The following HS6ST3 variants were observed in gnomAD, a reference collection of about 807,000 sequenced individuals.
The protein encoded by HS6ST3 is heparan-sulfate 6-O-sulfotransferase 3.
Under a neutral mutation model 36.7 loss-of-function variants are expected in HS6ST3, and 12 were observed. The observed-to-expected ratio is 0.33, with a 90% CI of 0.21 to 0.53. The LOEUF is 0.53. Ranked by LOEUF, HS6ST3 falls within the 20% of genes least tolerant of loss-of-function variation. The pLI, the probability that HS6ST3 is intolerant of heterozygous loss-of-function variation, is 0.95. For synonymous variants in HS6ST3, 240 were observed against 257.5 expected, an observed-to-expected ratio of 0.93 and a Z score of 0.65; for missense variants, 584 against 640.9, an observed-to-expected ratio of 0.91 and a Z score of 0.96.
intron 1 of HS6ST3, among the ~76,000 whole-genome samples, chr13:96,755,412 T>C (rs1037754583): frequency 1.3e-5 from 2 of 152,140 alleles, no homozygotes; most frequent in African/African-American, 4.8e-5. Flanking sequence ...TCGCCCAGGC[T>C]GGAGTGCAAT....
intron 1 of HS6ST3, among the ~76,000 whole-genome samples, chr13:96,456,727 ATCT>A (rs561803606): frequency 4.6e-5 from 7 of 152,166 alleles, no homozygotes; most frequent in African/African-American, 1.4e-4. Flanking sequence ...TCTTGCTCTA[ATCT>A]TCTTTTTCCA....
chr13:96,111,118 A>G (rs1163643380), intron 1 of HS6ST3, among the ~76,000 whole-genome samples: 1 of 152,208 alleles, frequency 6.6e-6, no homozygotes, highest in Non-Finnish European at 1.5e-5. Flanking sequence ...ACTGTGCAGG[A>G]TCACTCCCAT....
chr13:96,126,290 C>T (rs111947230), intron 1 of HS6ST3, among the ~76,000 whole-genome samples: 26 of 152,156 alleles, frequency 1.7e-4, no homozygotes, highest in Non-Finnish European at 1.3e-4. Context: ...AACTGTGCTA[C>T]GCTTGGTCTC....
intron 1 of HS6ST3, among the ~76,000 whole-genome samples, chr13:96,304,673 G>A (rs984090477): frequency 1.0e-5 from 1 of 97,020 alleles, no homozygotes. Flanking sequence ...AATCACTGTT[G>A]CATGTTTTTC....
intron 1 of HS6ST3, among the ~76,000 whole-genome samples, chr13:96,590,244 T>A (rs948981920): frequency 2.6e-5 from 4 of 152,066 alleles, no homozygotes; most frequent in Non-Finnish European, 5.9e-5. Flanking sequence ...CTATTTTTAG[T>A]TTTTTGAGGA....
intron 1 of HS6ST3, among the ~76,000 whole-genome samples, chr13:96,133,632 A>T (rs1277703443): frequency 6.6e-6 from 1 of 151,898 alleles, no homozygotes; most frequent in Admixed American, 6.6e-5. Flanking sequence ...CATGTTGGCC[A>T]GGCTGGACTC....
In HS6ST3 at chr13:96,836,277, C is replaced by G. The variant is rs1365147474; in HGVS notation, c.*3079C>G. On this transcript the variant is annotated 3_prime_UTR_variant, in exon 2 of 2. Coordinates refer to ENST00000376705, the MANE Select transcript of HS6ST3 (RefSeq NM_153456.4). ...CTTTCCCTTCTCTTGGCAATGGAAG[C>G]TCCAGTACCCAGATTGGAGATTAGG... The G allele has an allele frequency of 6.6e-6, 1 of 152,212 alleles. No homozygotes were observed. The highest frequency in any genetic ancestry group is 1.5e-5 in the Non-Finnish European group (1 of 68,062). 9.4% of individuals were successfully genotyped at this position (152,212 alleles called of 1,614,324 possible). A position where few individuals can be genotyped will look rare whatever the true frequency, so the allele number is the denominator to read the frequency against.
At chr13:96,464,920 A>G (rs16951476) in intron 1 of HS6ST3, among the ~76,000 whole-genome samples, 31,163 of 149,588 alleles carry the variant, frequency 0.21, 3,521 homozygotes, top group African/African-American at 0.3. Flanking sequence ...TAGTAAGTGC[A>G]TTATCTACTA....
intron 1 of HS6ST3, among the ~76,000 whole-genome samples, chr13:96,435,338 G>A (rs968439074): frequency 1.3e-5 from 2 of 151,878 alleles, no homozygotes; most frequent in African/African-American, 4.8e-5. Flanking sequence ...CTCCTTTATG[G>A]AGTCTGTATG....
At chr13:96,785,409 C>T (rs1351872934) in intron 1 of HS6ST3, among the ~76,000 whole-genome samples, 1 of 152,180 alleles carries the variant, frequency 6.6e-6, no homozygotes, top group African/African-American at 2.4e-5. Flanking sequence ...CAAAATCACA[C>T]TTTAGAGTGC....
At chr13:96,441,798 GAGAATATAGCATAAAAAGACA>G (rs1473882875) in intron 1 of HS6ST3, among the ~76,000 whole-genome samples, 3 of 152,098 alleles carry the variant, frequency 2.0e-5, no homozygotes, top group African/African-American at 7.2e-5. Flanking sequence ...AGATAGCTGT[GAGAATATAGCATAAAAAGACA>G]AGAAAACAGA....
intron 1 of HS6ST3, among the ~76,000 whole-genome samples, chr13:96,242,051 C>T (rs1221637020): frequency 6.6e-6 from 1 of 151,924 alleles, no homozygotes; most frequent in African/African-American, 2.4e-5. Context: ...TCCCAAAGTG[C>T]TGAGATTACA....
At chr13:96,609,128 C>G (rs2056448951) in intron 1 of HS6ST3, among the ~76,000 whole-genome samples, 1 of 151,066 alleles carries the variant, frequency 6.6e-6, no homozygotes, top group African/African-American at 2.4e-5. Flanking sequence ...CGCCACCACG[C>G]CCAGCTAATT....
intron 1 of HS6ST3, among the ~76,000 whole-genome samples, chr13:96,311,526 G>A (rs2054940990): frequency 6.6e-6 from 1 of 152,162 alleles, no homozygotes; most frequent in Non-Finnish European, 1.5e-5. Context: ...ACTCCCGCCA[G>A]AGTAGTCGTC....
intron 1 of HS6ST3, among the ~76,000 whole-genome samples, chr13:96,485,868 C>T (rs1342461181): frequency 6.6e-6 from 1 of 151,884 alleles, no homozygotes; most frequent in African/African-American, 2.4e-5. Context: ...ATATCAATTT[C>T]TTTTTTTTAT....
intron 1 of HS6ST3, among the ~76,000 whole-genome samples, chr13:96,193,496 G>A (rs887682246): frequency 3.3e-5 from 5 of 152,140 alleles, no homozygotes; most frequent in African/African-American, 4.8e-5. Context: ...GAAACATGCT[G>A]GGGGAGGCTA....
At chr13:96,365,386 A>G (rs2055258163) in intron 1 of HS6ST3, among the ~76,000 whole-genome samples, 1 of 152,194 alleles carries the variant, frequency 6.6e-6, no homozygotes, top group African/African-American at 2.4e-5. Context: ...CCAATTTTCT[A>G]TGCCAACCTG....
chr13:96,256,832 T>C (rs1193540596), intron 1 of HS6ST3, among the ~76,000 whole-genome samples: 1 of 152,152 alleles, frequency 6.6e-6, no homozygotes, highest in African/African-American at 2.4e-5. Context: ...TTGCAGCATA[T>C]TTTATCATCC....
At chr13:96,566,885 A>G (rs1210770776) in intron 1 of HS6ST3, among the ~76,000 whole-genome samples, 1 of 152,190 alleles carries the variant, frequency 6.6e-6, no homozygotes, top group Non-Finnish European at 1.5e-5. Flanking sequence ...AACAAATAAC[A>G]GAGGAAATAA....
Sources: gnomAD v4.1 joint callset for allele counts (sites outside exome capture counted in the v4.1 genomes callset) on GRCh38, gnomAD v4.1.1 for gene constraint, MANE v1.5 for transcripts, NCBI Gene and HGNC (gene_info 2026-07-23, HGNC 2026-07-21) for gene names.